The following CSTPP1 variants were observed in gnomAD, a reference collection of about 807,000 sequenced individuals.
CSTPP1 encodes the protein UPF0705 protein C11orf49.
chr11:47,001,936 A>T, the CSTPP1 span, among the ~76,000 whole-genome samples: 23 of 152,286 alleles, frequency 1.5e-4, no homozygotes, highest in African/African-American at 5.5e-4. Flanking sequence ...TGAGAGATGG[A>T]CTTGAGACTT....
chr11:47,095,845 T>A, the CSTPP1 span, among the ~76,000 whole-genome samples: 801 of 152,246 alleles, frequency 5.3e-3, 7 homozygotes, highest in Admixed American at 0.011. Flanking sequence ...AGAGTACCAT[T>A]GCAAAACCTG....
At chr11:46,979,250 A>G in the CSTPP1 span, among the ~76,000 whole-genome samples, 1 of 152,256 alleles carries the variant, frequency 6.6e-6, no homozygotes, top group Admixed American at 6.5e-5. Context: ...GCCCGGCTGC[A>G]AGACTACAAC....
chr11:47,119,294 G>A, the CSTPP1 span, among the ~76,000 whole-genome samples: 1 of 152,270 alleles, frequency 6.6e-6, no homozygotes, highest in South Asian at 2.1e-4. Flanking sequence ...TTGTCTGCCA[G>A]TTGCTAAGAC....
the CSTPP1 span, among the ~76,000 whole-genome samples, chr11:47,131,234 T>G: frequency 6.6e-6 from 1 of 152,180 alleles, no homozygotes; most frequent in East Asian, 1.9e-4. Flanking sequence ...GTGACACCAC[T>G]GTGATCCTGG....
chr11:47,106,929 C>A, the CSTPP1 span, among the ~76,000 whole-genome samples: 41 of 152,262 alleles, frequency 2.7e-4, no homozygotes, highest in African/African-American at 9.6e-4. Context: ...CTCATTTGAG[C>A]CTGGTCACAT....
chr11:47,094,480 CAG>C, the CSTPP1 span, among the ~76,000 whole-genome samples: 142 of 149,290 alleles, frequency 9.5e-4, no homozygotes, highest in Middle Eastern at 3.5e-3. Flanking sequence ...TTACCACACA[CAG>C]AGAGAGAGAG....
chr11:47,082,506 G>A, the CSTPP1 span, among the ~76,000 whole-genome samples: 1 of 151,860 alleles, frequency 6.6e-6, no homozygotes, highest in East Asian at 1.9e-4. Context: ...TTATAGTAAA[G>A]GATTGTATAA....
the CSTPP1 span, among the ~76,000 whole-genome samples, chr11:47,117,877 CTTTT>C: frequency 4.5e-5 from 3 of 66,352 alleles, no homozygotes; most frequent in Admixed American, 4.0e-4. Flanking sequence ...TATTTCTTTT[CTTTT>C]TTTTTTTTTT....
the CSTPP1 span, among the ~76,000 whole-genome samples, chr11:46,983,426 G>A: frequency 2.0e-5 from 3 of 152,208 alleles, no homozygotes; most frequent in African/African-American, 7.2e-5. Flanking sequence ...GGGCATTAGT[G>A]TGAATTTTAG....
the CSTPP1 span, among the ~76,000 whole-genome samples, chr11:47,105,929 G>T: frequency 6.6e-6 from 1 of 152,188 alleles, no homozygotes; most frequent in African/African-American, 2.4e-5. Flanking sequence ...AAGTCAAAGT[G>T]CCTCTTTGAA....
At chr11:47,093,863 T>C in the CSTPP1 span, among the ~76,000 whole-genome samples, 19 of 152,328 alleles carry the variant, frequency 1.2e-4, 2 homozygotes, top group Middle Eastern at 6.8e-3. Context: ...ATTATTAACA[T>C]TGACTAACTA....
chr11:46,972,013 AT>A, the CSTPP1 span, among the ~76,000 whole-genome samples: 10 of 152,246 alleles, frequency 6.6e-5, no homozygotes, highest in Non-Finnish European at 1.2e-4. Context: ...TGTCAAAAAA[AT>A]GAAATTAAAA....
At chr11:46,957,627 G>A in the CSTPP1 span, among the ~76,000 whole-genome samples, 4 of 151,758 alleles carry the variant, frequency 2.6e-5, no homozygotes, top group African/African-American at 9.7e-5. Flanking sequence ...TTCTTTCATT[G>A]TCTTGAGATC....
At chr11:47,060,843 G>A in the CSTPP1 span, among the ~76,000 whole-genome samples, 2 of 152,160 alleles carry the variant, frequency 1.3e-5, no homozygotes, top group Non-Finnish European at 2.9e-5. Context: ...CTCCATTTGT[G>A]TGGTATTTTC....
At chr11:47,044,437 C>T in the CSTPP1 span, among the ~76,000 whole-genome samples, 1 of 151,998 alleles carries the variant, frequency 6.6e-6, no homozygotes, top group South Asian at 2.1e-4. Flanking sequence ...AGCGCAGTCA[C>T]GTGAATCTTG....
At chr11:46,961,120 T>A in the CSTPP1 span, among the ~76,000 whole-genome samples, 1 of 152,238 alleles carries the variant, frequency 6.6e-6, no homozygotes, top group African/African-American at 2.4e-5. Context: ...ATTTGGTAAC[T>A]CTATGTTTAA....
chr11:47,111,113 C>T, the CSTPP1 span, among the ~76,000 whole-genome samples: 1 of 151,950 alleles, frequency 6.6e-6, no homozygotes, highest in Non-Finnish European at 1.5e-5. Flanking sequence ...AGGATGGTCT[C>T]GATCTCCTGA....
At chr11:46,973,713 A>G in the CSTPP1 span, among the ~76,000 whole-genome samples, 1 of 152,144 alleles carries the variant, frequency 6.6e-6, no homozygotes, top group South Asian at 2.1e-4. Context: ...ACTAGCTACA[A>G]GAGAAGCTGA....
the CSTPP1 span, among the ~76,000 whole-genome samples, chr11:46,988,323 A>G: frequency 2.0e-5 from 3 of 152,246 alleles, no homozygotes; most frequent in Non-Finnish European, 4.4e-5. Flanking sequence ...GTGTCCATCA[A>G]CAGATGAATG....
Sources: gnomAD v4.1 joint callset for allele counts (sites outside exome capture counted in the v4.1 genomes callset) on GRCh38, gnomAD v4.1.1 for gene constraint, MANE v1.5 for transcripts, NCBI Gene and HGNC (gene_info 2026-07-23, HGNC 2026-07-21) for gene names.